HMBOX1: variants seen among roughly 807,000 people sequenced by gnomAD.
HMBOX1 encodes the protein homeobox-containing protein 1.
Under a neutral mutation model 54.5 loss-of-function variants are expected in HMBOX1, and 14 were observed. The ratio of observed to expected loss-of-function variants is 0.26; its 90% CI spans 0.17 to 0.40. The LOEUF is 0.40. Ranked by LOEUF, HMBOX1 falls within the 10% of genes least tolerant of loss-of-function variation. The pLI is 1.00. For missense variants in HMBOX1, 332 were observed against 514.4 expected (o/e 0.65, Z 3.43); for synonymous variants, 160 against 181.0 (o/e 0.88, Z 0.93).
intron 6 of HMBOX1, among the ~76,000 whole-genome samples, chr8:29,019,862 T>C (rs1002746100): frequency 6.6e-6 from 1 of 152,222 alleles, no homozygotes; most frequent in African/African-American, 2.4e-5. Context: ...AGAGGGAGAT[T>C]TAAAATGCCG....
At chr8:28,896,383 T>G (rs370975561) in intron 1 of HMBOX1, among the ~76,000 whole-genome samples, 1 of 124,108 alleles carries the variant, frequency 8.1e-6, no homozygotes, top group African/African-American at 2.6e-5. Flanking sequence ...TTATCACAGG[T>G]GTGTAGATTG....
chr8:29,020,029 C>A (rs1316580016), intron 6 of HMBOX1, among the ~76,000 whole-genome samples: 2 of 152,154 alleles, frequency 1.3e-5, no homozygotes. Flanking sequence ...AGAGCAGAAG[C>A]CATTTATTGA....
In HMBOX1 at chr8:28,927,653, C is replaced by T. The variant is rs1299614249; in HGVS notation, c.-57-36158C>T. On this transcript the variant is annotated intron_variant, in intron 1 of 9. Transcript: ENST00000287701. ...CAACCCAGACACCTTCCACTAGGCC[C>T]CATCACCAACAGTGAGGATCAGATT... is the stretch of plus-strand genomic sequence containing the variant. Among the ~76,000 whole-genome samples, 6 of 152,094 alleles carry T rather than the reference C, an allele frequency of 3.9e-5. No individual in the cohort carries two copies. In the East Asian group the frequency reaches 1.2e-3, roughly 29 times the overall value.
In HMBOX1 at chr8:28,945,235, T is replaced by C. The variant is rs74398164; in HGVS notation, c.-57-18576T>C. Among the ~76,000 whole-genome samples, 872 of 152,338 alleles carry C rather than the reference T, an allele frequency of 5.7e-3. 4 individuals carry two copies. The highest frequency in any genetic ancestry group is 0.02 in the African/African-American group (847 of 41,572). ...TCTTCTACTGTATCTTTAGTTCTCA[T>C]ACTGATCCCTTGAGGAAGATATCAT... On this transcript the variant is annotated intron_variant, in intron 1 of 9. Coordinates refer to ENST00000287701, the MANE Select transcript of HMBOX1 (RefSeq NM_001135726.3).
chr8:28,913,940 G>A (rs1453964192), intron 1 of HMBOX1, among the ~76,000 whole-genome samples: 1 of 149,208 alleles, frequency 6.7e-6, no homozygotes, highest in Non-Finnish European at 1.5e-5. Context: ...GCACAATCTC[G>A]GCTCACTGCA....
At chr8:28,971,118 T>G (rs1178422240) in intron 3 of HMBOX1, among the ~76,000 whole-genome samples, 1 of 144,634 alleles carries the variant, frequency 6.9e-6, no homozygotes, top group Non-Finnish European at 1.5e-5. Context: ...TGAGACAGAG[T>G]CTTGCTCTGT....
At chr8:29,036,853 T>C (rs1322597758) in intron 6 of HMBOX1, among the ~76,000 whole-genome samples, 1 of 152,218 alleles carries the variant, frequency 6.6e-6, no homozygotes, top group African/African-American at 2.4e-5. Flanking sequence ...GCAAAGTTCA[T>C]GTCCTCCCCT....
intron 5 of HMBOX1, among the ~76,000 whole-genome samples, chr8:29,017,578 G>C (rs1262072439): frequency 6.6e-6 from 1 of 152,212 alleles, no homozygotes; most frequent in African/African-American, 2.4e-5. Context: ...ATGTATAGGT[G>C]GGATAATTAG....
chr8:28,920,588 T>C (rs1817378476), intron 1 of HMBOX1, among the ~76,000 whole-genome samples: 1 of 152,230 alleles, frequency 6.6e-6, no homozygotes, highest in Admixed American at 6.5e-5. Flanking sequence ...TCAAAGAAAT[T>C]AATGGGCATT....
At chr8:29,013,315 T>A (rs558755970) in intron 5 of HMBOX1, among the ~76,000 whole-genome samples, 1 of 152,300 alleles carries the variant, frequency 6.6e-6, no homozygotes, top group South Asian at 2.1e-4. Context: ...TTTGTGTTTT[T>A]AGTAGAGATG....
At chr8:28,897,746 G>C (rs1285980013) in intron 1 of HMBOX1, among the ~76,000 whole-genome samples, 1 of 152,194 alleles carries the variant, frequency 6.6e-6, no homozygotes, top group East Asian at 1.9e-4. Context: ...TGTTGCTAGA[G>C]AGGATATGTT....
chr8:28,901,175 T>C (rs75780736), intron 1 of HMBOX1, among the ~76,000 whole-genome samples: 3,784 of 152,194 alleles, frequency 0.025, 153 homozygotes, highest in African/African-American at 0.087. Flanking sequence ...TCCTAGGTAA[T>C]ACTCCCCTCC....
chr8:28,952,839 A>G (rs943317794), intron 1 of HMBOX1, among the ~76,000 whole-genome samples: 7 of 152,244 alleles, frequency 4.6e-5, no homozygotes, highest in African/African-American at 1.7e-4. Context: ...TGATATATGT[A>G]ACTTTAATCA....
At chr8:28,995,457 T>C (rs1402973356) in intron 4 of HMBOX1, among the ~76,000 whole-genome samples, 2 of 152,244 alleles carry the variant, frequency 1.3e-5, no homozygotes, top group Non-Finnish European at 2.9e-5. Context: ...ATAATAATGC[T>C]GCTATGAACA....
chr8:28,992,396 A>T (rs964991356), intron 4 of HMBOX1, among the ~76,000 whole-genome samples: 4 of 152,104 alleles, frequency 2.6e-5, no homozygotes, highest in African/African-American at 9.7e-5. Flanking sequence ...GCAGGCAATC[A>T]TTTTTCATTC....
chr8:28,947,921 C>T (rs893843812), intron 1 of HMBOX1, among the ~76,000 whole-genome samples: 2 of 151,944 alleles, frequency 1.3e-5, no homozygotes, highest in South Asian at 4.2e-4. Flanking sequence ...TGCCTAATTT[C>T]ATTTATTTAT....
intron 3 of HMBOX1, among the ~76,000 whole-genome samples, chr8:28,977,113 C>T (rs1364147888): frequency 6.6e-6 from 1 of 152,154 alleles, no homozygotes; most frequent in Admixed American, 6.5e-5. Context: ...CTGTTTTGTG[C>T]AGTCCTTAAT....
At chr8:29,040,659 C>T (rs1224516328) in intron 6 of HMBOX1, among the ~76,000 whole-genome samples, 1 of 151,954 alleles carries the variant, frequency 6.6e-6, no homozygotes, top group African/African-American at 2.4e-5. Flanking sequence ...TTTTTAATTA[C>T]AAAAATAACA....
intron 1 of HMBOX1, among the ~76,000 whole-genome samples, chr8:28,960,781 T>TTTTTTTTTTTTTTTTTTTTTTG (rs1825421860): frequency 2.2e-5 from 1 of 45,346 alleles, no homozygotes; most frequent in East Asian, 6.6e-4. Context: ...TTTTTTTTTT[T>TTTTTTTTTTTTTTTTTTTTTTG]TTTTTTTTTT....
Sources: gnomAD v4.1 joint callset for allele counts (sites outside exome capture counted in the v4.1 genomes callset) on GRCh38, gnomAD v4.1.1 for gene constraint, MANE v1.5 for transcripts, NCBI Gene and HGNC (gene_info 2026-07-23, HGNC 2026-07-21) for gene names.